The following PCNX1 variants were observed in gnomAD, a reference collection of about 807,000 sequenced individuals.
The protein encoded by PCNX1 is pecanex 1.
PCNX1 carries 78 observed loss-of-function variants against 242.2 expected under a neutral mutation model. The observed-to-expected ratio is 0.32, with a 90% CI of 0.27 to 0.39. PCNX1 has a LOEUF of 0.39. PCNX1 is among the 10% of genes least tolerant of loss of function. The pLI, the probability that PCNX1 is intolerant of heterozygous loss-of-function variation, is 1.00. For missense variants in PCNX1, 2,581 were observed against 2,856.5 expected (o/e 0.90, Z 2.20); for synonymous variants, 1,024 against 1,032.9 (o/e 0.99, Z 0.17).
chr14:71,023,322 G>A, intron 13 of PCNX1, 90 bp downstream of exon 13: 1 of 946,090 alleles, frequency 1.1e-6, no homozygotes, highest in South Asian at 1.4e-5. Context: ...TGTTTTGTTT[G>A]GAATGCATCA....
intron 5 of PCNX1, among the ~76,000 whole-genome samples, chr14:70,976,616 A>G (rs748731697): frequency 1.3e-5 from 2 of 151,796 alleles, no homozygotes; most frequent in African/African-American, 2.4e-5. Flanking sequence ...CTTGTGATCC[A>G]CCCACCTTGG....
chr14:71,091,165 GGAGGGTGGA>G (rs1181446414), intron 30 of PCNX1, among the ~76,000 whole-genome samples: 1 of 152,066 alleles, frequency 6.6e-6, no homozygotes, highest in Non-Finnish European at 1.5e-5. Context: ...ATACCTTCTA[GGAGGGTGGA>G]GATTGACCTA....
chr14:70,954,651 T>C (rs2057921385), intron 2 of PCNX1, among the ~76,000 whole-genome samples: 1 of 152,214 alleles, frequency 6.6e-6, no homozygotes, highest in Admixed American at 6.5e-5. Flanking sequence ...CGCAGTTTAT[T>C]TTGTGTCTAG....
At chr14:70,990,431 G>T (rs961711542) in intron 7 of PCNX1, among the ~76,000 whole-genome samples, 1 of 151,824 alleles carries the variant, frequency 6.6e-6, no homozygotes, top group Non-Finnish European at 1.5e-5. Context: ...GGGCCTGGTG[G>T]TACGCACCTG....
At chr14:71,086,609 G>A (rs888529662) in intron 28 of PCNX1, among the ~76,000 whole-genome samples, 2 of 152,130 alleles carry the variant, frequency 1.3e-5, no homozygotes, top group Admixed American at 6.5e-5. Context: ...AAGGTTTTTC[G>A]CTGTTCCTTT....
intron 2 of PCNX1, among the ~76,000 whole-genome samples, chr14:70,947,936 T>C (rs1475062582): frequency 6.6e-6 from 1 of 152,178 alleles, no homozygotes; most frequent in Non-Finnish European, 1.5e-5. Context: ...GTGTCTGTCT[T>C]ACGCAGTTGT....
intron 1 of PCNX1, among the ~76,000 whole-genome samples, chr14:70,938,310 A>C (rs1313134971): frequency 6.6e-6 from 1 of 152,164 alleles, no homozygotes; most frequent in South Asian, 2.1e-4. Flanking sequence ...CGTCCCATCA[A>C]TACCTAATTT....
In PCNX1 at chr14:70,959,564, A is replaced by AT. The variant is rs980674261; in HGVS notation, c.363-2656dup. ...TCCCTACAAAGGACAGGAACTCATC[A>AT]TTTTTTATGGCTGCATAGTATTCCA... On this transcript the variant is annotated intron_variant, in intron 2 of 35. Transcript: ENST00000304743. Among the ~76,000 whole-genome samples, 39 of 151,830 alleles carry AT rather than the reference A, an allele frequency of 2.6e-4. 3 individuals carry two copies. Among genetic ancestry groups the AT allele is most frequent in the African/African-American group, 8.2e-4 (34 of 41,400 alleles).
intron 26 of PCNX1, among the ~76,000 whole-genome samples, chr14:71,066,469 A>T (rs2061449815): frequency 6.6e-6 from 1 of 152,158 alleles, no homozygotes; most frequent in African/African-American, 2.4e-5. Context: ...GTATCCTGAG[A>T]CTTTGCTGAA....
chr14:70,928,440 A>G (rs866001213), intron 1 of PCNX1, among the ~76,000 whole-genome samples: 17 of 152,346 alleles, frequency 1.1e-4, no homozygotes, highest in Middle Eastern at 3.4e-3. Flanking sequence ...TGGACTTGCC[A>G]TGAGACAGCT....
chr14:70,973,252 CAAAA>C (rs71448337), intron 5 of PCNX1, among the ~76,000 whole-genome samples: 5 of 80,400 alleles, frequency 6.2e-5, no homozygotes, highest in Admixed American at 1.5e-4. Flanking sequence ...CACTCTGTCT[CAAAA>C]AAAAAAAAAA....
chr14:70,962,549 G>T (rs993112107), intron 3 of PCNX1, among the ~76,000 whole-genome samples: 48 of 152,246 alleles, frequency 3.2e-4, no homozygotes, highest in African/African-American at 1.1e-3. Flanking sequence ...TCATCTTTGG[G>T]TGTATAGTTT....
chr14:70,921,296 A>T (rs1231860459), intron 1 of PCNX1, among the ~76,000 whole-genome samples: 1 of 152,152 alleles, frequency 6.6e-6, no homozygotes, highest in African/African-American at 2.4e-5. Flanking sequence ...ATGAACTTGG[A>T]TGGGGAATAA....
Position 70,971,390 on chromosome 14 carries a change from C to T in PCNX1, c.604+2280C>T, listed in dbSNP as rs1371788620. On this transcript the variant is annotated intron_variant, in intron 5 of 35. Transcript: ENST00000304743. ...CGATCTCCTGACCTCATGATCCACC[C>T]GCCTCGGCCTCCCAAAGTGCTGGGA... Among the ~76,000 whole-genome samples, 7 of 13,376 alleles carry T rather than the reference C, an allele frequency of 5.2e-4. 2 individuals are homozygous for T. The South Asian group carries it at 0.02, about 37-fold the overall frequency. 8.8% of individuals were successfully genotyped at this position (13,376 alleles called of 152,430 possible).
rs577513207 is a variant in PCNX1, at chr14:70,919,610, GCATATAGATGAACTTTACTAAATC to G, written c.153+11631_153+11654del. 9.7e-4 allele frequency among the ~76,000 whole-genome samples: 137 copies of G among 141,386 alleles called. No individual in the cohort carries two copies. In the Middle Eastern group the frequency reaches 0.011, roughly 12 times the overall value. 92.8% of individuals were successfully genotyped at this position (141,386 alleles called of 152,430 possible). On this transcript the variant is annotated intron_variant, in intron 1 of 35. Coordinates refer to ENST00000304743, the MANE Select transcript of PCNX1 (RefSeq NM_014982.3). ...GAGTTGATTGCTGTTGACTTCTTTAGCATATAGATGAACTTTACTAAATCCATATAGATGAACTTTACTAAATAC... is the reference window on the plus strand; with the variant it reads ...GAGTTGATTGCTGTTGACTTCTTTAGCATATAGATGAACTTTACTAAATAC...
At position 71,000,420 on chromosome 14, in the gene PCNX1, T is replaced by C. The variant is rs541569945; in HGVS notation, c.2629+4495T>C. 6.6e-5 allele frequency among the ~76,000 whole-genome samples: 10 copies of C among 152,280 alleles called. No homozygotes were observed. The South Asian group carries it at 1.0e-3, about 16-fold the overall frequency. On this transcript the variant is annotated intron_variant, in intron 8 of 35. Coordinates refer to ENST00000304743, the MANE Select transcript of PCNX1 (RefSeq NM_014982.3). Reference sequence around the variant, plus strand: ...ACATGTGTATATGCACTTAAAAAAATAGAGTTAGGATCATGTCGTGACTTT... The same window carrying C: ...ACATGTGTATATGCACTTAAAAAAACAGAGTTAGGATCATGTCGTGACTTT...
At chr14:70,982,633 A>G (rs1595132724) in intron 6 of PCNX1, among the ~76,000 whole-genome samples, 2 of 152,250 alleles carry the variant, frequency 1.3e-5, no homozygotes, top group African/African-American at 4.8e-5. Flanking sequence ...ATACAGCAAA[A>G]TAGGTTTGGC....
chr14:70,991,013 TGCCAC>T (rs2059147593), intron 7 of PCNX1, among the ~76,000 whole-genome samples: 1 of 152,146 alleles, frequency 6.6e-6, no homozygotes, highest in East Asian at 1.9e-4. Flanking sequence ...TTTCATTCTT[TGCCAC>T]TAATGAGCCT....
chr14:70,965,051 A>G (rs899096638), intron 3 of PCNX1, among the ~76,000 whole-genome samples: 1 of 152,156 alleles, frequency 6.6e-6, no homozygotes, highest in Non-Finnish European at 1.5e-5. Context: ...ACATTATCAT[A>G]TTTTATATAA....
Sources: gnomAD v4.1 joint callset for allele counts (sites outside exome capture counted in the v4.1 genomes callset) on GRCh38, gnomAD v4.1.1 for gene constraint, MANE v1.5 for transcripts, NCBI Gene and HGNC (gene_info 2026-07-23, HGNC 2026-07-21) for gene names.